UNC13C: variants seen among roughly 807,000 people sequenced by gnomAD.
UNC13C encodes the protein unc-13 homolog C.
UNC13C carries 174 observed loss-of-function variants against 245.4 expected under a neutral mutation model. The observed-to-expected ratio is 0.71, with a 90% confidence interval of 0.63 to 0.80. The LOEUF is 0.80. Among genes scored for constraint, UNC13C ranks in the 30% least tolerant of loss-of-function variants. The probability of loss-of-function intolerance (pLI) is 0.00; values close to 1 mark genes in which losing one functional copy is unlikely to be tolerated. For synonymous variants in UNC13C, 992 were observed against 895.1 expected, an observed-to-expected ratio of 1.11 and a Z score of -1.93; for missense variants, 2,829 against 2,602.9, an observed-to-expected ratio of 1.09 and a Z score of -1.89.
At chr15:54,155,006 T>A (rs1166090647) in intron 4 of UNC13C, among the ~76,000 whole-genome samples, 2 of 152,222 alleles carry the variant, frequency 1.3e-5, no homozygotes, top group East Asian at 1.9e-4. Context: ...GAAATTTAAA[T>A]ATCAGATGCT....
chr15:54,270,436 C>T (rs1298160808), intron 10 of UNC13C, among the ~76,000 whole-genome samples: 1 of 152,118 alleles, frequency 6.6e-6, no homozygotes, highest in Non-Finnish European at 1.5e-5. Flanking sequence ...GATAATAATA[C>T]ATACCTCACA....
At chr15:54,614,728 CT>C (rs1900317298) in intron 30 of UNC13C, among the ~76,000 whole-genome samples, 1 of 151,882 alleles carries the variant, frequency 6.6e-6, no homozygotes, top group Non-Finnish European at 1.5e-5. Flanking sequence ...AATCTTCTTC[CT>C]TTTCTTCTTG....
At position 54,500,977 on chromosome 15, in the gene UNC13C, A is replaced by C. The variant is rs547981570; in HGVS notation, c.5300A>C (p.Lys1767Thr). The change falls in exon 22 of 33, where the codon AAG (lysine) becomes ACG (threonine). Residue 1767 changes from lysine to threonine, a missense_variant and splice_region_variant. Physicochemically the swap from Lys to Thr is moderately conservative, Grantham distance 78 (BLOSUM62 -1). Transcript: ENST00000260323. ...TCTCACTTAATGAGAAGATTTGCAA[A>C]GGTAGGTTAAATAAAATGAGTCTTC... ...ALSHLMRRFA[K>T]TINKVLLQYA... 27 of 1,611,708 alleles carry C rather than the reference A, an allele frequency of 1.7e-5. No individual in the cohort carries two copies. The African/African-American group carries it at 2.3e-4, about 14-fold the overall frequency.
chr15:54,251,769 T>G (rs1159366329), intron 8 of UNC13C, among the ~76,000 whole-genome samples: 1 of 152,186 alleles, frequency 6.6e-6, no homozygotes, highest in African/African-American at 2.4e-5. Context: ...ATATGTGGAT[T>G]GCTTGACACT....
the UNC13C span, among the ~76,000 whole-genome samples, chr15:53,839,876 C>A: frequency 6.6e-6 from 1 of 152,000 alleles, no homozygotes; most frequent in Non-Finnish European, 1.5e-5. Flanking sequence ...ATATTAATAT[C>A]TTTGTTAAAG....
chr15:53,879,579 AT>A, the UNC13C span, among the ~76,000 whole-genome samples: 1 of 151,924 alleles, frequency 6.6e-6, no homozygotes, highest in Non-Finnish European at 1.5e-5. Flanking sequence ...TTTTAAGTAA[AT>A]GCTAATTCTC....
intron 7 of UNC13C, among the ~76,000 whole-genome samples, chr15:54,239,181 TA>T (rs1046687842): frequency 6.6e-6 from 1 of 152,214 alleles, no homozygotes; most frequent in Non-Finnish European, 1.5e-5. Flanking sequence ...TAACTTTCTG[TA>T]ACTTAACATT....
chr15:54,180,371 A>G (rs1380059269), intron 4 of UNC13C, among the ~76,000 whole-genome samples: 8 of 152,054 alleles, frequency 5.3e-5, no homozygotes, highest in South Asian at 4.1e-4. Flanking sequence ...TTCCATGGCA[A>G]TATGTACTAA....
At chr15:54,322,212 T>C in intron 14 of UNC13C, 117 bp downstream of exon 14, 2 of 977,144 alleles carry the variant, frequency 2.0e-6, no homozygotes, top group Non-Finnish European at 2.9e-6. Flanking sequence ...TTTTAGGGAA[T>C]AGCGTAATGG....
intron 18 of UNC13C, among the ~76,000 whole-genome samples, chr15:54,394,492 A>G (rs1250042008): frequency 1.3e-5 from 2 of 151,838 alleles, no homozygotes; most frequent in Non-Finnish European, 2.9e-5. Flanking sequence ...TGGGAAGTAC[A>G]TCTCAGGTCT....
At chr15:54,083,576 G>A (rs1464587527) in intron 2 of UNC13C, among the ~76,000 whole-genome samples, 3 of 152,154 alleles carry the variant, frequency 2.0e-5, no homozygotes, top group African/African-American at 7.2e-5. Context: ...GGTGGGGGTC[G>A]GGAAATAACG....
rs80159169 is a variant in UNC13C, at chr15:54,392,400, G to A, written c.4714-648G>A. The stretch of plus-strand genomic sequence containing the variant: ...TGTGGTAAATTGAGAAAGTTTCAAA[G>A]ACATTTTAAAAAAAGGAAAAAAAGA... On this transcript the variant is annotated intron_variant, in intron 17 of 32. Coordinates refer to ENST00000260323, the MANE Select transcript of UNC13C (RefSeq NM_001080534.3). Among the ~76,000 whole-genome samples, 1,190 of 151,816 alleles carry A rather than the reference G, an allele frequency of 7.8e-3. 13 individuals carry two copies. The highest frequency in any genetic ancestry group is 0.028 in the African/African-American group (1,151 of 41,464).
intron 10 of UNC13C, among the ~76,000 whole-genome samples, chr15:54,280,931 G>A (rs1040657592): frequency 3.3e-5 from 5 of 151,920 alleles, no homozygotes; most frequent in African/African-American, 1.2e-4. Flanking sequence ...CTGAGTAACT[G>A]AGATTACAGG....
chr15:54,611,901 A>G lies in UNC13C; in HGVS notation c.6107-10426A>G, dbSNP rs1596673839. On this transcript the variant is annotated intron_variant, in intron 30 of 32. Transcript: ENST00000260323. ...TCATCAGGCTTACACACAATTATGT[A>G]TCCATTTACATGACCTTGCAACATA... 5.3e-5 allele frequency among the ~76,000 whole-genome samples: 8 copies of G among 152,254 alleles called. 2 individuals carry two copies. The highest frequency in any genetic ancestry group is 5.2e-4 in the Admixed American group (8 of 15,296).
intron 1 of UNC13C, among the ~76,000 whole-genome samples, chr15:54,006,883 C>T (rs1035450999): frequency 2.0e-5 from 3 of 152,114 alleles, no homozygotes; most frequent in East Asian, 1.9e-4. Context: ...GTTACTTGGT[C>T]GGTGTGCTGC....
intron 4 of UNC13C, among the ~76,000 whole-genome samples, chr15:54,170,661 A>T (rs939009960): frequency 6.6e-6 from 1 of 152,094 alleles, no homozygotes; most frequent in Non-Finnish European, 1.5e-5. Context: ...TACATCCTGT[A>T]CTTTAAGCTA....
chr15:54,037,498 C>T (rs62009786), intron 2 of UNC13C, among the ~76,000 whole-genome samples: 2,833 of 152,130 alleles, frequency 0.019, 35 homozygotes, highest in Non-Finnish European at 0.03. Flanking sequence ...GATTACAAGG[C>T]CAATAATTGT....
At chr15:54,410,503 T>A (rs1187301454) in intron 18 of UNC13C, among the ~76,000 whole-genome samples, 1 of 152,156 alleles carries the variant, frequency 6.6e-6, no homozygotes, top group Non-Finnish European at 1.5e-5. Flanking sequence ...AGTTTCCAGT[T>A]TTACATTGTC....
intron 2 of UNC13C, among the ~76,000 whole-genome samples, chr15:54,127,375 A>G (rs2031114648): frequency 6.6e-6 from 1 of 152,164 alleles, no homozygotes; most frequent in Non-Finnish European, 1.5e-5. Context: ...CTATGTAGCC[A>G]TAAAAAAGGA....
Sources: allele counts gnomAD v4.1 joint callset (sites outside exome capture counted in the v4.1 genomes callset), GRCh38; gene constraint gnomAD v4.1.1; transcripts MANE v1.5; gene names NCBI Gene and HGNC (gene_info 2026-07-23, HGNC 2026-07-21).